The following DNAJC13 variants were observed in gnomAD, a reference collection of about 807,000 sequenced individuals.
DNAJC13 encodes dnaJ homolog subfamily C member 13.
Under a neutral mutation model 290.5 loss-of-function variants are expected in DNAJC13, and 75 were observed. The ratio of observed to expected loss-of-function variants is 0.26; its 90% CI spans 0.21 to 0.31. The LOEUF (loss-of-function observed/expected upper bound fraction) is 0.31, where lower values mean the gene tolerates loss of function less well. DNAJC13 is among the 10% of genes least tolerant of loss of function. DNAJC13 has a pLI of 1.00. For synonymous variants in DNAJC13, 862 were observed against 892.0 expected, an observed-to-expected ratio of 0.97 and a Z score of 0.60; for missense variants, 2,260 against 2,674.5, an observed-to-expected ratio of 0.85 and a Z score of 3.42.
chr3:132,517,464 C>T (rs897144948), intron 48 of DNAJC13, among the ~76,000 whole-genome samples: 6 of 152,130 alleles, frequency 3.9e-5, no homozygotes, highest in African/African-American at 1.4e-4. Context: ...ACTGAAGAGT[C>T]CTCTGTGCCT....
At chr3:132,506,027 T>A (rs898448989) in intron 42 of DNAJC13, among the ~76,000 whole-genome samples, 1 of 149,278 alleles carries the variant, frequency 6.7e-6, no homozygotes, top group African/African-American at 2.5e-5. Flanking sequence ...GAACGGGTCT[T>A]ACATGTCTGT....
intron 22 of DNAJC13, 25 bp from the exon 23 acceptor site, chr3:132,477,764 G>A: frequency 6.5e-7 from 1 of 1,540,282 alleles, no homozygotes. Context: ...AACTAAAATA[G>A]TGTAATTTGC....
At chr3:132,475,855 G>T (rs977553001) in intron 22 of DNAJC13, among the ~76,000 whole-genome samples, 1 of 152,120 alleles carries the variant, frequency 6.6e-6, no homozygotes, top group Admixed American at 6.5e-5. Flanking sequence ...CAAAGTTTCA[G>T]TTCTTTGACC....
At chr3:132,465,943 T>C in intron 17 of DNAJC13, 52 bp from the exon 18 acceptor site, 1 of 1,240,346 alleles carries the variant, frequency 8.1e-7, no homozygotes, top group Non-Finnish European at 1.1e-6. Flanking sequence ...AATTCCTTTC[T>C]GTTCTAGCTG....
chr3:132,481,216 A>G (rs1199733672), intron 26 of DNAJC13, among the ~76,000 whole-genome samples: 3 of 152,218 alleles, frequency 2.0e-5, no homozygotes, highest in Admixed American at 6.5e-5. Context: ...GTACCTCTCT[A>G]TATGAGTCTA....
chr3:132,423,094 C>T (rs569072020), intron 1 of DNAJC13, among the ~76,000 whole-genome samples: 13 of 152,242 alleles, frequency 8.5e-5, no homozygotes, highest in African/African-American at 3.1e-4. Context: ...CACTCGAGGC[C>T]AGGAGCTCCA....
At chr3:132,465,814 T>C (rs570070821) in intron 17 of DNAJC13, among the ~76,000 whole-genome samples, 181 bp from the exon 18 acceptor site, 121 of 152,252 alleles carry the variant, frequency 7.9e-4, no homozygotes, top group African/African-American at 2.7e-3. Flanking sequence ...TTCCAAAATA[T>C]TAGTAATATT....
intron 53 of DNAJC13, among the ~76,000 whole-genome samples, chr3:132,527,254 C>A (rs1307472777): frequency 6.6e-6 from 1 of 152,016 alleles, no homozygotes; most frequent in Non-Finnish European, 1.5e-5. Context: ...TATAACTGAG[C>A]CATTCTTCAT....
rs182515470 is a variant in DNAJC13, at chr3:132,511,907, T to C, written c.5293+663T>C. ...CATTGAACATTACCTTTCAAGTACA[T>C]TTTTACTCTTCTTAGTATGTATTAA... is the stretch of plus-strand genomic sequence containing the variant. On this transcript the variant is annotated intron_variant, in intron 44 of 55. Coordinates refer to ENST00000260818, the MANE Select transcript of DNAJC13 (RefSeq NM_015268.4). 4.0e-4 allele frequency among the ~76,000 whole-genome samples: 61 copies of C among 152,306 alleles called. No individual in the cohort carries two copies. In the East Asian group the frequency reaches 9.6e-3, roughly 24 times the overall value.
At chr3:132,481,633 A>T (rs985837690) in intron 26 of DNAJC13, among the ~76,000 whole-genome samples, 3 of 152,224 alleles carry the variant, frequency 2.0e-5, no homozygotes, top group African/African-American at 7.2e-5. Flanking sequence ...ACCCGACTAC[A>T]TAAAAATTTT....
Position 132,446,494 on chromosome 3 carries a change from G to T in DNAJC13, c.88G>T (p.Val30Phe). The T allele has an allele frequency of 6.2e-7, 1 of 1,607,744 alleles. No individual in the cohort carries two copies. Among genetic ancestry groups the T allele is most frequent in the Non-Finnish European group, 8.5e-7 (1 of 1,177,914 alleles). Reference protein sequence around the residue: ...WRGKYKRVFSVGTHAITTYNP... With the variant: ...WRGKYKRVFSFGTHAITTYNP... The stretch of plus-strand genomic sequence containing the variant: ...TTGTAGGTATAAGCGTGTCTTTTCA[G>T]TTGGAACTCATGCGATTACTACATA... The change falls in exon 3 of 56, where the codon GTT becomes TTT. Residue 30 changes from valine to phenylalanine, a missense_variant. By Grantham distance (50) the Val-to-Phe change is conservative. Coordinates refer to ENST00000260818, the MANE Select transcript of DNAJC13 (RefSeq NM_015268.4).
chr3:132,470,835 C>CA, intron 20 of DNAJC13, among the ~76,000 whole-genome samples: 1 of 129,888 alleles, frequency 7.7e-6, no homozygotes, highest in Non-Finnish European at 1.6e-5. Flanking sequence ...GCTGGCCAGG[C>CA]GGGGGGCTGA....
At chr3:132,532,503 C>T (rs1340621852) in intron 55 of DNAJC13, among the ~76,000 whole-genome samples, 1 of 152,028 alleles carries the variant, frequency 6.6e-6, no homozygotes, top group African/African-American at 2.4e-5. Flanking sequence ...ATCCCCTGTC[C>T]CTCATATCTA....
At chr3:132,529,441 G>T (rs545516436) in intron 54 of DNAJC13, among the ~76,000 whole-genome samples, 18 of 152,320 alleles carry the variant, frequency 1.2e-4, no homozygotes, top group African/African-American at 4.1e-4. Flanking sequence ...TTCAAGTAAA[G>T]AAACATTTTT....
In DNAJC13 at chr3:132,525,706, A is replaced by C; in HGVS notation, c.6157A>C (p.Lys2053Gln). 2 of 1,614,208 alleles carry C rather than the reference A, an allele frequency of 1.2e-6. No individual in the cohort carries two copies. Among genetic ancestry groups the C allele is most frequent in the Non-Finnish European group, 1.7e-6 (2 of 1,180,020 alleles). ...GGTCCCGCCATTGGGCCATCTTCCC[A>C]AAGTTATCCAGGCAATGAATCATAG... ...DQVPPLGHLP[K>Q]VIQAMNHRNN... The change falls in exon 52 of 56, where the codon AAA becomes CAA. Residue 2053 changes from lysine to glutamine, a missense_variant. Lys to Gln is a moderately conservative substitution (Grantham distance 53, BLOSUM62 1). Coordinates refer to ENST00000260818, the MANE Select transcript of DNAJC13 (RefSeq NM_015268.4).
intron 55 of DNAJC13, among the ~76,000 whole-genome samples, chr3:132,532,595 A>G (rs1186105444): frequency 6.6e-6 from 1 of 152,118 alleles, no homozygotes; most frequent in East Asian, 1.9e-4. Context: ...GCTTCTAAGT[A>G]GGAGTTTGTT....
At chr3:132,420,996 C>T (rs1938943314) in intron 1 of DNAJC13, among the ~76,000 whole-genome samples, 2 of 152,152 alleles carry the variant, frequency 1.3e-5, no homozygotes, top group Admixed American at 1.3e-4. Context: ...CTGTTTTGTA[C>T]ATGTTAAATA....
intron 37 of DNAJC13, 141 bp downstream of exon 37, chr3:132,499,451 C>A: frequency 1.2e-6 from 1 of 811,572 alleles, no homozygotes; most frequent in South Asian, 2.2e-5. Context: ...TATTCTTATA[C>A]CAAATTAAAG....
At chr3:132,426,633 G>A (rs948422342) in intron 1 of DNAJC13, among the ~76,000 whole-genome samples, 2 of 152,104 alleles carry the variant, frequency 1.3e-5, no homozygotes, top group Non-Finnish European at 2.9e-5. Flanking sequence ...TTGAGCTTCT[G>A]ATACTAGAAA....
Sources: gnomAD v4.1 joint callset for allele counts (sites outside exome capture counted in the v4.1 genomes callset) on GRCh38, gnomAD v4.1.1 for gene constraint, MANE v1.5 for transcripts, NCBI Gene and HGNC (gene_info 2026-07-23, HGNC 2026-07-21) for gene names.